UBR3: variants seen among roughly 807,000 people sequenced by gnomAD.
UBR3 encodes ubiquitin protein ligase E3 component n-recognin 3.
In UBR3, 85 loss-of-function variants were observed where a neutral mutation model predicts 243.2. That is an observed-to-expected ratio of 0.35 (90% CI 0.29 to 0.42). The LOEUF (loss-of-function observed/expected upper bound fraction) is 0.42. UBR3 is among the 10% of genes least tolerant of loss of function. UBR3 has a pLI of 1.00. For synonymous variants in UBR3, 748 were observed against 799.8 expected (o/e 0.94, Z 1.09); for missense variants, 1,686 against 2,300.8 (o/e 0.73, Z 5.47).
chr2:169,922,024 C>T (rs2085719660), intron 11 of UBR3, among the ~76,000 whole-genome samples: 1 of 151,828 alleles, frequency 6.6e-6, no homozygotes, highest in African/African-American at 2.4e-5. Flanking sequence ...TGGTGGTTCA[C>T]GTCTATAATT....
chr2:170,034,697 G>C (rs760677282), intron 31 of UBR3, among the ~76,000 whole-genome samples: 1 of 152,044 alleles, frequency 6.6e-6, no homozygotes. Context: ...TAAGGAGCAT[G>C]ATTACTGGAT....
intron 1 of UBR3, among the ~76,000 whole-genome samples, chr2:169,834,981 CAG>C (rs2082040311): frequency 1.3e-5 from 2 of 152,002 alleles, no homozygotes; most frequent in African/African-American, 4.8e-5. Flanking sequence ...TTCATACAGA[CAG>C]AAAGTAGAAT....
intron 1 of UBR3, among the ~76,000 whole-genome samples, chr2:169,861,002 T>C (rs2105302070): frequency 6.6e-6 from 1 of 152,300 alleles, no homozygotes; most frequent in South Asian, 2.1e-4. Flanking sequence ...TGGTATCTGA[T>C]GTTCAAGGGC....
At chr2:169,999,692 A>G (rs2089621897) in intron 26 of UBR3, among the ~76,000 whole-genome samples, 2 of 152,192 alleles carry the variant, frequency 1.3e-5, no homozygotes, top group African/African-American at 2.4e-5. Context: ...GACAGAGGCC[A>G]ATTGATGAAA....
chr2:169,890,553 A>ATATATGTG (rs2084309050), intron 5 of UBR3, among the ~76,000 whole-genome samples: 10 of 96,418 alleles, frequency 1.0e-4, no homozygotes, highest in African/African-American at 5.3e-4. Context: ...ATATATATAT[A>ATATATGTG]TATATATATA....
At chr2:169,950,166 A>T (rs1433190804) in intron 23 of UBR3, 101 bp downstream of exon 23, 2 of 1,085,912 alleles carry the variant, frequency 1.8e-6, no homozygotes, top group African/African-American at 3.2e-5. Flanking sequence ...GTTTAACAGG[A>T]ACAGTCATAG....
chr2:170,022,489 TAGTGCTGGA>T, intron 30 of UBR3, among the ~76,000 whole-genome samples: 1 of 152,242 alleles, frequency 6.6e-6, no homozygotes, highest in Admixed American at 6.5e-5. Flanking sequence ...ACCTAGCATA[TAGTGCTGGA>T]AGGAACACCG....
At chr2:169,893,225 A>G (rs2084442622) in intron 6 of UBR3, among the ~76,000 whole-genome samples, 1 of 152,234 alleles carries the variant, frequency 6.6e-6, no homozygotes, top group South Asian at 2.1e-4. Context: ...ACATAACTGC[A>G]ACTATTTTTA....
chr2:169,854,595 TTACA>T (rs2082772571), intron 1 of UBR3, among the ~76,000 whole-genome samples: 3 of 152,168 alleles, frequency 2.0e-5, no homozygotes, highest in African/African-American at 2.4e-5. Context: ...TATTATAAAC[TTACA>T]TACACAGGAG....
At chr2:169,903,233 T>G (rs1301894205) in intron 8 of UBR3, among the ~76,000 whole-genome samples, 2 of 152,162 alleles carry the variant, frequency 1.3e-5, no homozygotes, top group African/African-American at 2.4e-5. Context: ...TTCCAAGGCG[T>G]TTTTTACAAG....
chr2:169,967,094 A>G (rs1452496904), intron 24 of UBR3, among the ~76,000 whole-genome samples: 1 of 152,204 alleles, frequency 6.6e-6, no homozygotes, highest in Non-Finnish European at 1.5e-5. Flanking sequence ...ATTATCCCAC[A>G]TACAGATGCC....
intron 21 of UBR3, 120 bp downstream of exon 21, chr2:169,946,512 A>G: frequency 2.3e-6 from 1 of 428,730 alleles, no homozygotes. Flanking sequence ...AGGAAAATGT[A>G]TTTGTGAATT....
intron 5 of UBR3, among the ~76,000 whole-genome samples, chr2:169,882,198 A>G (rs2083900889): frequency 8.1e-6 from 1 of 124,134 alleles, no homozygotes; most frequent in East Asian, 2.2e-4. Context: ...GTAATAAATA[A>G]TATACACATT....
At chr2:169,911,599 T>G (rs2085256770) in intron 10 of UBR3, among the ~76,000 whole-genome samples, 2 of 152,130 alleles carry the variant, frequency 1.3e-5, no homozygotes, top group Non-Finnish European at 2.9e-5. Context: ...ACATGATTAT[T>G]AAATATGCTG....
At chr2:169,915,231 G>A (rs1363889531) in intron 11 of UBR3, among the ~76,000 whole-genome samples, 1 of 136,962 alleles carries the variant, frequency 7.3e-6, no homozygotes, top group Non-Finnish European at 1.7e-5. Flanking sequence ...TGCATTTTAG[G>A]ACAGTGACTT....
intron 22 of UBR3, among the ~76,000 whole-genome samples, chr2:169,948,443 A>C (rs1465217774): frequency 6.6e-6 from 1 of 152,050 alleles, no homozygotes; most frequent in Non-Finnish European, 1.5e-5. Flanking sequence ...CTCTCATTGC[A>C]TGTAAGTTAA....
intron 31 of UBR3, among the ~76,000 whole-genome samples, chr2:170,031,169 C>T (rs967421797): frequency 2.0e-5 from 3 of 152,102 alleles, no homozygotes; most frequent in Non-Finnish European, 4.4e-5. Flanking sequence ...ACTCAAACTC[C>T]TGGGCTCAAG....
At chr2:169,832,570 A>G (rs903231388) in intron 1 of UBR3, among the ~76,000 whole-genome samples, 1 of 151,084 alleles carries the variant, frequency 6.6e-6, no homozygotes, top group African/African-American at 2.4e-5. Flanking sequence ...CTGTCTCAGG[A>G]AAAAAAACAA....
In UBR3 at chr2:169,932,986, G is replaced by A. The variant is rs1388341743; in HGVS notation, c.2641G>A (p.Ala881Thr). ...AGTTTACCGTAGAGATGTGCAGTCT[G>A]CAATGGACAGATATACTGCATTGTA... is the stretch of plus-strand genomic sequence containing the variant. ...RTVYRRDVQS[A>T]MDRYTAFLKQ... The change falls in exon 19 of 39, where the codon GCA becomes ACA. Residue 881 changes from alanine (A) to threonine (T), a missense_variant. Physicochemically the swap from Ala to Thr is moderately conservative, Grantham distance 58. Transcript: ENST00000272793. 1 of 1,530,980 alleles carries A rather than the reference G, an allele frequency of 6.5e-7. No homozygotes were observed. 94.8% of individuals were successfully genotyped at this position (1,530,980 alleles called of 1,614,324 possible).
Sources: gnomAD v4.1 joint callset for allele counts (sites outside exome capture counted in the v4.1 genomes callset) on GRCh38, gnomAD v4.1.1 for gene constraint, MANE v1.5 for transcripts, NCBI Gene and HGNC (gene_info 2026-07-23, HGNC 2026-07-21) for gene names.